Variants in SLC6A6 observed in about 807,000 individuals in gnomAD.
SLC6A6 encodes the protein sodium- and chloride-dependent taurine transporter.
A neutral mutation model predicts 68.8 loss-of-function variants in SLC6A6; 16 were observed. The ratio of observed to expected loss-of-function variants is 0.23; its 90% CI spans 0.16 to 0.35. SLC6A6 has a LOEUF of 0.35. SLC6A6 is among the 10% of genes least tolerant of loss of function. SLC6A6 has a pLI of 1.00. For missense variants in SLC6A6, 474 were observed against 802.8 expected, an observed-to-expected ratio of 0.59 and a Z score of 4.95; for synonymous variants, 312 against 315.4, an observed-to-expected ratio of 0.99 and a Z score of 0.12.
intron 5 of SLC6A6, among the ~76,000 whole-genome samples, chr3:14,456,128 G>A (rs1700361613): frequency 6.6e-6 from 1 of 152,196 alleles, no homozygotes; most frequent in South Asian, 2.1e-4. Context: ...TTCCCTATCT[G>A]TAAAATGGGG....
At chr3:14,407,652 C>T (rs148144398) in intron 1 of SLC6A6, among the ~76,000 whole-genome samples, 14 of 152,176 alleles carry the variant, frequency 9.2e-5, no homozygotes, top group Non-Finnish European at 1.3e-4. Flanking sequence ...TACAGGCGCA[C>T]GCCACCACAC....
chr3:14,478,237 G>C (rs1378289141), intron 11 of SLC6A6, among the ~76,000 whole-genome samples: 1 of 152,186 alleles, frequency 6.6e-6, no homozygotes, highest in Non-Finnish European at 1.5e-5. Flanking sequence ...TGGGAAGCAG[G>C]CTCCCGTGGA....
At chr3:14,463,360 C>T (rs1379965163) in intron 6 of SLC6A6, among the ~76,000 whole-genome samples, 1 of 152,240 alleles carries the variant, frequency 6.6e-6, no homozygotes, top group African/African-American at 2.4e-5. Context: ...GTGCCCCGCA[C>T]AAAATCCGCA....
At chr3:14,410,194 A>G (rs928352743) in intron 1 of SLC6A6, among the ~76,000 whole-genome samples, 6 of 151,246 alleles carry the variant, frequency 4.0e-5, no homozygotes, top group African/African-American at 1.5e-4. Context: ...AAAAAAAAAA[A>G]AAAGCCATTG....
Position 14,481,258 on chromosome 3 carries a change from G to C in SLC6A6, c.1552-413G>C, listed in dbSNP as rs1701000268. Among the ~76,000 whole-genome samples the C allele has an allele frequency of 6.6e-6, 1 of 151,536 alleles. No homozygotes were observed. Among genetic ancestry groups the C allele is most frequent in the Non-Finnish European group, 1.5e-5 (1 of 67,882 alleles). The stretch of plus-strand genomic sequence containing the variant: ...GCCAAGTTAGGATGAGAAGATGTGG[G>C]GGAAAGAGGGCCAGGCAGAGGAAAC... On this transcript the variant is annotated intron_variant, in intron 13 of 14. Coordinates refer to ENST00000622186, the MANE Select transcript of SLC6A6 (RefSeq NM_003043.6). The surrounding 1 kb of genome is among the most constrained non-coding windows in gnomAD (Gnocchi z 4.7).
chr3:14,479,883 A>G (rs549178088), intron 13 of SLC6A6, among the ~76,000 whole-genome samples: 12 of 152,314 alleles, frequency 7.9e-5, no homozygotes, highest in African/African-American at 2.6e-4. Flanking sequence ...ACTTGTGATC[A>G]TTGGAGCTTA....
intron 2 of SLC6A6, among the ~76,000 whole-genome samples, chr3:14,440,507 T>C (rs958894959): frequency 6.6e-6 from 1 of 151,802 alleles, no homozygotes; most frequent in Non-Finnish European, 1.5e-5. Context: ...TGGTGGGCAA[T>C]GGTGAGGAGC....
In SLC6A6 at chr3:14,481,803, G is replaced by A. The variant is rs766133222; in HGVS notation, c.1684G>A (p.Val562Ile). Residue 562 changes from valine to isoleucine, a missense_variant, in exon 14 of 15, where the codon GTC becomes ATC. Coordinates refer to ENST00000622186, the MANE Select transcript of SLC6A6 (RefSeq NM_003043.6). This position sits in a 1 kb window ranked among gnomAD's most constrained non-coding sequence, Gnocchi z 4.7. ...CATGCTCTGCGTTCCCTTGGTCATC[G>A]TCATCCGCCTCTGCCAGACTGAGGG... ...SSMLCVPLVI[V>I]IRLCQTEGPF... 2 of 1,614,096 alleles carry A rather than the reference G, an allele frequency of 1.2e-6. No homozygotes were observed. The highest frequency in any genetic ancestry group is 1.1e-5 in the South Asian group (1 of 91,086).
chr3:14,476,541 A>G (rs1700883222), intron 10 of SLC6A6, among the ~76,000 whole-genome samples: 1 of 152,120 alleles, frequency 6.6e-6, no homozygotes, highest in Non-Finnish European at 1.5e-5. Context: ...CGCACATGCA[A>G]AGTCCTCTCA....
In SLC6A6 at chr3:14,477,692, C is replaced by T. The variant is rs909794010; in HGVS notation, c.1347+350C>T. On this transcript the variant is annotated intron_variant, in intron 11 of 14. Transcript: ENST00000622186. The surrounding 1 kb of genome is among the most constrained non-coding windows in gnomAD (Gnocchi z 4.2). ...CCTGGGGGTGGGGTGGAGACATTCT[C>T]AAGGGTAAACGCAGGCCTCCCAGGA... 6.6e-6 allele frequency among the ~76,000 whole-genome samples: 1 copy of T among 152,172 alleles called. No individual in the cohort carries two copies. The highest frequency in any genetic ancestry group is 1.5e-5 in the Non-Finnish European group (1 of 68,032).
intron 2 of SLC6A6, among the ~76,000 whole-genome samples, chr3:14,416,898 C>T (rs947458210): frequency 2.0e-5 from 3 of 152,222 alleles, no homozygotes; most frequent in Non-Finnish European, 2.9e-5. Context: ...CGCTGGGGTG[C>T]AGTGGTGTCA....
intron 5 of SLC6A6, among the ~76,000 whole-genome samples, chr3:14,455,988 C>T (rs1304686526): frequency 1.3e-5 from 2 of 152,206 alleles, no homozygotes; most frequent in Non-Finnish European, 2.9e-5. Context: ...CTCTTAAAAC[C>T]AGACCAACAG....
At chr3:14,443,964 C>G (rs775314213) in intron 3 of SLC6A6, 101 bp downstream of exon 3, 50 of 778,704 alleles carry the variant, frequency 6.4e-5, no homozygotes. Flanking sequence ...TCCCTGCTTT[C>G]CCTGGCCCCC....
intron 3 of SLC6A6, among the ~76,000 whole-genome samples, chr3:14,445,439 AAAAAAAG>A: frequency 8.9e-6 from 1 of 112,426 alleles, no homozygotes; most frequent in Non-Finnish European, 1.8e-5. Context: ...AAAAAAAAAG[AAAAAAAG>A]AAAGAAAGAA....
In SLC6A6 at chr3:14,481,881, C is replaced by T. The variant is rs762835772; in HGVS notation, c.1722+40C>T. The stretch of plus-strand genomic sequence containing the variant: ...CCAGGGCCAGGGGAGGTGGGAGGCG[C>T]GAGGCCAAAGGTGATTGTTGTCAGT... On this transcript the variant is annotated intron_variant, in intron 14 of 14. Transcript: ENST00000622186. The surrounding 1 kb of genome is among the most constrained non-coding windows in gnomAD (Gnocchi z 4.7). The T allele has an allele frequency of 7.6e-6, 12 of 1,570,102 alleles. No individual in the cohort carries two copies. Among genetic ancestry groups the T allele is most frequent in the South Asian group, 4.5e-5 (4 of 88,992 alleles).
intron 1 of SLC6A6, among the ~76,000 whole-genome samples, chr3:14,415,033 A>G (rs1003929403): frequency 6.6e-6 from 1 of 152,206 alleles, no homozygotes. Flanking sequence ...ACCCAAACCC[A>G]CAGCAGACAT....
At chr3:14,480,095 T>C (rs1201252500) in intron 13 of SLC6A6, among the ~76,000 whole-genome samples, 1 of 152,194 alleles carries the variant, frequency 6.6e-6, no homozygotes, top group Non-Finnish European at 1.5e-5. Context: ...TCTGTGAGCC[T>C]CAGTTTCCCC....
intron 6 of SLC6A6, among the ~76,000 whole-genome samples, chr3:14,464,740 T>C (rs1700577365): frequency 6.6e-6 from 1 of 152,150 alleles, no homozygotes. Context: ...CCCAACTCCA[T>C]GGGCACATTT....
At chr3:14,444,548 G>A (rs528752900) in intron 3 of SLC6A6, among the ~76,000 whole-genome samples, 1 of 152,178 alleles carries the variant, frequency 6.6e-6, no homozygotes, top group Non-Finnish European at 1.5e-5. Context: ...AGCACCTAAC[G>A]GTGGTTTCTT....
Sources: allele counts gnomAD v4.1 joint callset (sites outside exome capture counted in the v4.1 genomes callset), GRCh38; gene constraint gnomAD v4.1.1; non-coding constraint Gnocchi (gnomAD v3.1); transcripts MANE v1.5; gene names NCBI Gene and HGNC (gene_info 2026-07-23, HGNC 2026-07-21).